PBRM1: variants seen among roughly 807,000 people sequenced by gnomAD.
PBRM1 encodes the protein protein polybromo-1.
PBRM1 carries 27 observed loss-of-function variants against 194.5 expected under a neutral mutation model. That is an observed-to-expected ratio of 0.14 (90% CI 0.10 to 0.19). The LOEUF (loss-of-function observed/expected upper bound fraction) is 0.19, where lower values mean the gene tolerates loss of function less well. PBRM1 is among the 10% of genes least tolerant of loss of function. The probability of loss-of-function intolerance (pLI) is 1.00; values close to 1 mark genes in which losing one functional copy is unlikely to be tolerated. For synonymous variants in PBRM1, 655 were observed against 693.2 expected, an observed-to-expected ratio of 0.94 and a Z score of 0.87; for missense variants, 1,466 against 2,077.2, an observed-to-expected ratio of 0.71 and a Z score of 5.72.
intron 7 of PBRM1, among the ~76,000 whole-genome samples, chr3:52,647,477 T>A (rs1196011066): frequency 1.1e-4 from 12 of 113,420 alleles, no homozygotes; most frequent in Admixed American, 2.2e-4. Context: ...TATATATATA[T>A]ATATATATAT....
intron 5 of PBRM1, among the ~76,000 whole-genome samples, chr3:52,653,041 T>C (rs2096538800): frequency 6.6e-6 from 1 of 152,132 alleles, no homozygotes; most frequent in Non-Finnish European, 1.5e-5. Flanking sequence ...TATACAATTT[T>C]TCATTTAAGG....
Position 52,667,902 on chromosome 3 carries a change from A to G in PBRM1, c.384+596T>C, listed in dbSNP as rs2153982855. Among the ~76,000 whole-genome samples, 4 of 152,206 alleles carry G rather than the reference A, an allele frequency of 2.6e-5. No individual in the cohort carries two copies. In the South Asian group the frequency reaches 8.3e-4, roughly 32 times the overall value. On this transcript the variant is annotated intron_variant, in intron 3 of 29. Coordinates refer to ENST00000296302, the Ensembl canonical transcript of PBRM1. ...TAGGGAGACTCTGTCTCTAAAAAAA[A>G]AAAGAAAAAAAAATTCCAGAAATAT... is the stretch of plus-strand genomic sequence containing the variant.
chr3:52,614,373 C>CAAAAAAA (rs1165930996), intron 15 of PBRM1, among the ~76,000 whole-genome samples: 22 of 40,910 alleles, frequency 5.4e-4, no homozygotes, highest in African/African-American at 1.2e-3. Flanking sequence ...GATGCTTCAT[C>CAAAAAAA]AAAAAAAAAA....
chr3:52,571,626 C>CAAAA (rs778993265), intron 22 of PBRM1, among the ~76,000 whole-genome samples: 6 of 38,702 alleles, frequency 1.6e-4, no homozygotes, highest in African/African-American at 3.1e-4. Context: ...AACTCCATCT[C>CAAAA]AAAAAAAAAA....
At position 52,575,148 on chromosome 3, in the gene PBRM1, C is replaced by T. The variant is rs2089037458; in HGVS notation, c.3691+1393G>A. Among the ~76,000 whole-genome samples, 2 of 152,114 alleles carry T rather than the reference C, an allele frequency of 1.3e-5. 1 individual carries two copies. The highest frequency in any genetic ancestry group is 1.3e-4 in the Admixed American group (2 of 15,270). ...GAACTCCTGGGCTCAAGCGACCTGC[C>T]CATGTCAGCCTCCCAAAGTGCTGGG... On this transcript the variant is annotated intron_variant, in intron 22 of 29. Transcript: ENST00000296302.
chr3:52,615,240 G>A lies in PBRM1; in HGVS notation c.1924+111C>T, dbSNP rs921673083. ...GACAAGAACAAAGAACTCCATGCTG[G>A]AGTACAGTGAGTTCAAATATATTCA... On this transcript the variant is annotated intron_variant, in intron 15 of 29. Transcript: ENST00000296302. 23 of 632,878 alleles carry A rather than the reference G, an allele frequency of 3.6e-5. No homozygotes were observed. The African/African-American group carries it at 4.0e-4, about 11-fold the overall frequency. The allele number at this position is 632,878 out of a possible 1,614,324, so 39.2% of individuals were successfully genotyped here. A position where few individuals can be genotyped will look rare whatever the true frequency, so the allele number is the denominator to read the frequency against.
At position 52,627,121 on chromosome 3, in the gene PBRM1, T is replaced by A. The variant is rs2153576223; in HGVS notation, c.1541+152A>T. 1.0e-5 allele frequency: 5 copies of A among 480,926 alleles called. No homozygotes were observed. In the East Asian group the frequency reaches 1.5e-4, roughly 15 times the overall value. 29.8% of individuals were successfully genotyped at this position (480,926 alleles called of 1,614,324 possible). A position where few individuals can be genotyped will look rare whatever the true frequency, so the allele number is the denominator to read the frequency against. Reference sequence around the variant, plus strand: ...GGCACTTTTACAAAAAAAAAGCTAATCATCCAATTGCAAATGAATTTTAAA... The same window carrying A: ...GGCACTTTTACAAAAAAAAAGCTAAACATCCAATTGCAAATGAATTTTAAA... On this transcript the variant is annotated intron_variant, in intron 13 of 29. Transcript: ENST00000296302.
chr3:52,594,755 G>A (rs974408271), intron 17 of PBRM1, among the ~76,000 whole-genome samples: 4 of 152,160 alleles, frequency 2.6e-5, no homozygotes, highest in Non-Finnish European at 2.9e-5. Context: ...GCTACTGTAA[G>A]GCAGGTCTGG....
intron 5 of PBRM1, among the ~76,000 whole-genome samples, chr3:52,652,725 C>T (rs1469333497): frequency 4.0e-5 from 6 of 151,602 alleles, no homozygotes; most frequent in East Asian, 1.9e-4. Context: ...CGGCAAGGCG[C>T]GGTGGCTCAC....
chr3:52,580,286 T>C (rs1187307935), intron 20 of PBRM1, among the ~76,000 whole-genome samples: 1 of 152,028 alleles, frequency 6.6e-6, no homozygotes, highest in Non-Finnish European at 1.5e-5. Flanking sequence ...GATCTAAAAT[T>C]TTTACTATTT....
intron 3 of PBRM1, 149 bp downstream of exon 4, chr3:52,668,349 A>C (rs2096880705): frequency 3.5e-6 from 2 of 569,576 alleles, no homozygotes; most frequent in African/African-American, 2.0e-5. Flanking sequence ...AATCATATGA[A>C]TGTCCAGTCT....
chr3:52,563,886 A>G (rs1222008289), intron 23 of PBRM1, among the ~76,000 whole-genome samples, 164 bp downstream of exon 25: 4 of 152,034 alleles, frequency 2.6e-5, no homozygotes, highest in African/African-American at 9.7e-5. Flanking sequence ...GTCCCAGCAG[A>G]TTATGAAGTC....
intron 17 of PBRM1, among the ~76,000 whole-genome samples, chr3:52,594,030 A>G (rs949534624): frequency 2.0e-5 from 3 of 152,158 alleles, no homozygotes; most frequent in Admixed American, 2.0e-4. Flanking sequence ...GTTGGGTATT[A>G]AAGTCTCCCC....
At chr3:52,584,996 T>C (rs2092143428) in intron 20 of PBRM1, among the ~76,000 whole-genome samples, 1 of 152,162 alleles carries the variant, frequency 6.6e-6, no homozygotes, top group Non-Finnish European at 1.5e-5. Flanking sequence ...CTCTACCAAA[T>C]AATCTTTCCT....
intron 6 of PBRM1, among the ~76,000 whole-genome samples, chr3:52,649,707 A>AT (rs2153792831): frequency 6.6e-6 from 1 of 152,340 alleles, no homozygotes; most frequent in South Asian, 2.1e-4. Context: ...AAACAAGTGA[A>AT]TTAAGTCTCT....
intron 5 of PBRM1, among the ~76,000 whole-genome samples, chr3:52,656,429 T>A (rs2096608349): frequency 6.6e-6 from 1 of 152,170 alleles, no homozygotes; most frequent in Non-Finnish European, 1.5e-5. Flanking sequence ...TCTGGGAGGC[T>A]GAGGCAGGTG....
chr3:52,570,183 A>C (rs1445931567), intron 22 of PBRM1, among the ~76,000 whole-genome samples: 1 of 152,072 alleles, frequency 6.6e-6, no homozygotes, highest in Non-Finnish European at 1.5e-5. Flanking sequence ...CACCATGCTG[A>C]CCAGGCTGGT....
At chr3:52,633,498 C>T (rs1284692914) in intron 11 of PBRM1, among the ~76,000 whole-genome samples, 1 of 152,076 alleles carries the variant, frequency 6.6e-6, no homozygotes, top group African/African-American at 2.4e-5. Context: ...CTCTTTGAGA[C>T]CCTGCTTTCA....
Position 52,586,748 on chromosome 3 carries a change from C to CAAAAAAA in PBRM1, c.3124-67_3124-61dup, listed in dbSNP as rs35352950. On this transcript the variant is annotated intron_variant, in intron 19 of 29. Coordinates refer to ENST00000296302, the Ensembl canonical transcript of PBRM1. ...TTAGGTGAATTTTCTGAAAATCAAT[C>CAAAAAAA]AAAAAAAAAAAAAAAAAAAGCAAAT... The CAAAAAAA allele has an allele frequency of 4.4e-4, 81 of 183,814 alleles. 1 individual carries two copies. The highest frequency in any genetic ancestry group is 6.2e-4 in the South Asian group (4 of 6,500). The allele number at this position is 183,814 out of a possible 1,614,324, so 11.4% of individuals were successfully genotyped here.
Sources: gnomAD v4.1 joint callset for allele counts (sites outside exome capture counted in the v4.1 genomes callset) on GRCh38, gnomAD v4.1.1 for gene constraint, MANE v1.5 for transcripts, NCBI Gene and HGNC (gene_info 2026-07-23, HGNC 2026-07-21) for gene names.